The following ESRRB variants were observed in gnomAD, a reference collection of about 807,000 sequenced individuals.
ESRRB encodes steroid hormone receptor ERR2.
In ESRRB, 16 loss-of-function variants were observed where a neutral mutation model predicts 46.0. That is an observed-to-expected ratio of 0.35 (90% CI 0.24 to 0.53). The LOEUF (loss-of-function observed/expected upper bound fraction) is 0.53, where lower values mean the gene tolerates loss of function less well. ESRRB is among the 20% of genes least tolerant of loss of function. ESRRB has a pLI of 0.93. For synonymous variants in ESRRB, 246 were observed against 259.6 expected (o/e 0.95, Z 0.50); for missense variants, 488 against 607.4 (o/e 0.80, Z 2.07).
At chr14:76,424,542 G>A (rs1243158286) in intron 1 of ESRRB, among the ~76,000 whole-genome samples, 6 of 152,218 alleles carry the variant, frequency 3.9e-5, no homozygotes, top group Admixed American at 2.6e-4. Context: ...TGCACAGGGG[G>A]CAGCAGTGAG....
intron 2 of ESRRB, among the ~76,000 whole-genome samples, chr14:76,459,181 C>T (rs1304637083): frequency 6.6e-6 from 1 of 152,124 alleles, no homozygotes; most frequent in Non-Finnish European, 1.5e-5. Flanking sequence ...TGTTTACCTC[C>T]GGGGTTGCTG....
intron 1 of ESRRB, among the ~76,000 whole-genome samples, chr14:76,317,056 C>T (rs542386870): frequency 4.3e-4 from 66 of 152,254 alleles, no homozygotes; most frequent in African/African-American, 1.5e-3. Flanking sequence ...GTGTCTGCTT[C>T]CATTAGCACA....
intron 1 of ESRRB, among the ~76,000 whole-genome samples, chr14:76,379,860 CAAAAAAAAAA>C (rs34925535): frequency 7.9e-6 from 1 of 127,078 alleles, no homozygotes; most frequent in African/African-American, 3.0e-5. Flanking sequence ...AGATCTGTTC[CAAAAAAAAAA>C]AAAAAAAGCA....
intron 5 of ESRRB, among the ~76,000 whole-genome samples, chr14:76,486,812 A>AC (rs540998972): frequency 9.5e-4 from 145 of 151,922 alleles, no homozygotes; most frequent in African/African-American, 3.4e-3. Context: ...GGCACGGGGC[A>AC]CCCCCAGACC....
Position 76,331,831 on chromosome 14 carries a change from C to T in ESRRB, c.2+20915C>T, listed in dbSNP as rs542578944. On this transcript the variant is annotated intron_variant, in intron 1 of 6. Coordinates refer to the ESRRB transcript ENST00000512784. ...TGCACCTGTGCCAGGAGGGTGGCCA[C>T]GTGCCTGGCTTTGCTCATCAGGAGT... 1.6e-4 allele frequency among the ~76,000 whole-genome samples: 25 copies of T among 151,894 alleles called. 1 individual carries two copies. The South Asian group carries it at 4.6e-3, about 28-fold the overall frequency.
intron 1 of ESRRB, among the ~76,000 whole-genome samples, chr14:76,399,814 G>A: frequency 6.6e-6 from 1 of 152,168 alleles, no homozygotes; most frequent in East Asian, 1.9e-4. Flanking sequence ...ATAAATACCG[G>A]TTGGTCACAA....
intron 1 of ESRRB, among the ~76,000 whole-genome samples, chr14:76,420,456 T>C (rs77487063): frequency 3.9e-4 from 60 of 152,294 alleles, no homozygotes; most frequent in Non-Finnish European, 6.9e-4. Context: ...ATTTTAAAAC[T>C]TGAAATGTAA....
chr14:76,458,907 C>T (rs567863409), intron 2 of ESRRB, among the ~76,000 whole-genome samples: 10 of 148,284 alleles, frequency 6.7e-5, no homozygotes, highest in African/African-American at 2.3e-4. Context: ...TGCAGTGGCG[C>T]GATCTCGGCT....
At chr14:76,337,104 C>A (rs1349905621) in intron 1 of ESRRB, among the ~76,000 whole-genome samples, 1 of 152,076 alleles carries the variant, frequency 6.6e-6, no homozygotes, top group East Asian at 1.9e-4. Flanking sequence ...AAGGCACAGC[C>A]AGGCCAGTGG....
intron 1 of ESRRB, among the ~76,000 whole-genome samples, chr14:76,379,132 C>T (rs1884902025): frequency 6.6e-6 from 1 of 152,210 alleles, no homozygotes; most frequent in African/African-American, 2.4e-5. Context: ...CAGAGAGAAA[C>T]ATACGTACCT....
At chr14:76,471,312 C>G (rs994687850) in intron 3 of ESRRB, among the ~76,000 whole-genome samples, 1 of 152,190 alleles carries the variant, frequency 6.6e-6, no homozygotes, top group Non-Finnish European at 1.5e-5. Flanking sequence ...ACTCTTAGTC[C>G]TGTTTAATCC....
chr14:76,386,483 G>A (rs557552023), intron 1 of ESRRB, among the ~76,000 whole-genome samples: 1 of 131,422 alleles, frequency 7.6e-6, no homozygotes, highest in African/African-American at 2.9e-5. Flanking sequence ...TTGCGACAGA[G>A]TCTCACTCTG....
rs144727209 is a variant in ESRRB, at chr14:76,321,371, G to C, written c.2+10455G>C. Among the ~76,000 whole-genome samples the C allele has an allele frequency of 2.0e-3, 306 of 152,206 alleles. 3 individuals carry two copies. Among genetic ancestry groups the C allele is most frequent in the African/African-American group, 6.8e-3 (283 of 41,532 alleles). On this transcript the variant is annotated intron_variant, in intron 1 of 6. Coordinates refer to the ESRRB transcript ENST00000512784. ...AGCCTGGGGTCATGCCTTGTTCTCT[G>C]TCCCCTAAAATCTCGTATTTTCTTT...
At chr14:76,473,108 T>C (rs1019786283) in intron 3 of ESRRB, among the ~76,000 whole-genome samples, 1 of 151,734 alleles carries the variant, frequency 6.6e-6, no homozygotes, top group African/African-American at 2.4e-5. Flanking sequence ...GATCTGAAAA[T>C]CAAGGTTCAA....
intron 1 of ESRRB, among the ~76,000 whole-genome samples, chr14:76,313,626 C>T (rs188808208): frequency 1.1e-4 from 16 of 152,162 alleles, no homozygotes; most frequent in East Asian, 1.9e-4. Flanking sequence ...CTAATTCAAA[C>T]GATTTTACAT....
chr14:76,360,117 C>T (rs1884445176), intron 1 of ESRRB, among the ~76,000 whole-genome samples: 1 of 152,194 alleles, frequency 6.6e-6, no homozygotes, highest in Non-Finnish European at 1.5e-5. Context: ...GTGCCAGGGA[C>T]TTCTCTTCCT....
At chr14:76,403,876 G>A (rs753475690) in intron 1 of ESRRB, among the ~76,000 whole-genome samples, 6 of 152,184 alleles carry the variant, frequency 3.9e-5, no homozygotes, top group East Asian at 1.9e-4. Flanking sequence ...CCTCCACCAC[G>A]CCCGGCTAAT....
upstream of ESRRB, among the ~76,000 whole-genome samples, chr14:76,374,031 G>A (rs920855303): frequency 1.3e-5 from 2 of 152,144 alleles, no homozygotes; most frequent in African/African-American, 4.8e-5. Flanking sequence ...CACAGAGTAA[G>A]GAGTCAAGGG....
At chr14:76,403,872 C>A (rs1221047158) in intron 1 of ESRRB, among the ~76,000 whole-genome samples, 1 of 152,178 alleles carries the variant, frequency 6.6e-6, no homozygotes, top group African/African-American at 2.4e-5. Context: ...GCACCCTCCA[C>A]CACGCCCGGC....
Sources: gnomAD v4.1 joint callset for allele counts (sites outside exome capture counted in the v4.1 genomes callset) on GRCh38, gnomAD v4.1.1 for gene constraint, MANE v1.5 for transcripts, NCBI Gene and HGNC (gene_info 2026-07-23, HGNC 2026-07-21) for gene names.